B4GALT5: variants seen among roughly 807,000 people sequenced by gnomAD.
B4GALT5 encodes beta-1,4-galactosyltransferase 5, also known as UDP-Gal:beta-GlcNAc beta-1,4-galactosyltransferase 5.
Under a neutral mutation model 45.0 loss-of-function variants are expected in B4GALT5, and 11 were observed. The ratio of observed to expected loss-of-function variants is 0.24; its 90% CI spans 0.15 to 0.40. The LOEUF is 0.40. B4GALT5 is among the 10% of genes least tolerant of loss of function. B4GALT5 has a pLI of 1.00. For missense variants in B4GALT5, 337 were observed against 500.2 expected, an observed-to-expected ratio of 0.67 and a Z score of 3.11; for synonymous variants, 185 against 182.9, an observed-to-expected ratio of 1.01 and a Z score of -0.09.
chr20:49,695,516 A>T (rs2085835951), intron 1 of B4GALT5, among the ~76,000 whole-genome samples: 1 of 151,500 alleles, frequency 6.6e-6, no homozygotes, highest in Non-Finnish European at 1.5e-5. Flanking sequence ...GGTTCAAGCG[A>T]TTCTCCTGCC....
At chr20:49,674,081 C>CAAAAAAAAAAAA (rs34718276) in intron 1 of B4GALT5, among the ~76,000 whole-genome samples, 2 of 94,528 alleles carry the variant, frequency 2.1e-5, no homozygotes, top group Admixed American at 1.2e-4. Context: ...ATTAAAAATA[C>CAAAAAAAAAAAA]AAAAAAAAAA....
intron 1 of B4GALT5, among the ~76,000 whole-genome samples, chr20:49,705,125 C>T (rs2085878791): frequency 6.6e-6 from 1 of 152,150 alleles, no homozygotes; most frequent in Non-Finnish European, 1.5e-5. Flanking sequence ...ATAAAAGGCA[C>T]CATATAAAAA....
At chr20:49,690,739 AAAG>A (rs1438410996) in intron 1 of B4GALT5, among the ~76,000 whole-genome samples, 2 of 152,218 alleles carry the variant, frequency 1.3e-5, no homozygotes, top group Admixed American at 6.5e-5. Context: ...GTTTAGTCTC[AAAG>A]AAGGCATACC....
At chr20:49,685,804 C>T (rs1258859338) in intron 1 of B4GALT5, among the ~76,000 whole-genome samples, 2 of 151,718 alleles carry the variant, frequency 1.3e-5, no homozygotes, top group African/African-American at 2.4e-5. Context: ...AAAAACCTCA[C>T]GTTATTAGAC....
intron 1 of B4GALT5, among the ~76,000 whole-genome samples, chr20:49,699,775 CA>C (rs1330914656): frequency 6.6e-6 from 1 of 152,176 alleles, no homozygotes; most frequent in East Asian, 1.9e-4. Flanking sequence ...TTGTGGACCT[CA>C]ACATCCTTAC....
intron 1 of B4GALT5, among the ~76,000 whole-genome samples, chr20:49,712,700 A>T (rs1213413964): frequency 6.6e-6 from 1 of 151,814 alleles, no homozygotes; most frequent in Non-Finnish European, 1.5e-5. Flanking sequence ...CCTCAAGGCT[A>T]GGAGAGGGCA....
At chr20:49,669,565 G>A (rs1265964694) in intron 1 of B4GALT5, among the ~76,000 whole-genome samples, 1 of 151,960 alleles carries the variant, frequency 6.6e-6, no homozygotes, top group Non-Finnish European at 1.5e-5. Context: ...GCATGGTGGT[G>A]CATGCCTGTA....
At chr20:49,695,596 A>G (rs1473097805) in intron 1 of B4GALT5, among the ~76,000 whole-genome samples, 1 of 152,054 alleles carries the variant, frequency 6.6e-6, no homozygotes, top group Non-Finnish European at 1.5e-5. Flanking sequence ...TTTTTAGTAG[A>G]GATGGGGTTT....
Position 49,637,408 on chromosome 20 carries a change from C to G in B4GALT5, c.952G>C (p.Glu318Gln), listed in dbSNP as rs776968001. The change falls in exon 8 of 9, where the codon GAG (glutamate) becomes CAG (glutamine). Residue 318 changes from glutamate (E) to glutamine (Q), a missense_variant. By Grantham distance (29) the Glu-to-Gln change is conservative. This residue lies in a region of B4GALT5 where 163 missense variants were observed against 292.8 expected (regional missense o/e 0.56). Transcript: ENST00000371711. ...GACTTGTACTTTCCTGTGTCACCCT[C>G]TGGCCGGCTCACAGAATAGCCTGCA... ...QNAGYSVSRP[E>Q]GDTGKYKSIP... 39 of 1,614,026 alleles carry G rather than the reference C, an allele frequency of 2.4e-5. No individual in the cohort carries two copies. Among genetic ancestry groups the G allele is most frequent in the Non-Finnish European group, 3.3e-5 (39 of 1,180,028 alleles).
intron 1 of B4GALT5, among the ~76,000 whole-genome samples, chr20:49,693,651 T>C (rs1350510027): frequency 6.6e-6 from 1 of 152,238 alleles, no homozygotes; most frequent in Non-Finnish European, 1.5e-5. Flanking sequence ...CATGGTTACA[T>C]ATCATCAAGA....
chr20:49,676,034 C>G (rs1021547251), intron 1 of B4GALT5, among the ~76,000 whole-genome samples: 3 of 151,474 alleles, frequency 2.0e-5, no homozygotes, highest in African/African-American at 4.9e-5. Flanking sequence ...GCATCCTCCC[C>G]CAACCCAACC....
At chr20:49,691,603 A>T (rs2085812504) in intron 1 of B4GALT5, among the ~76,000 whole-genome samples, 1 of 152,164 alleles carries the variant, frequency 6.6e-6, no homozygotes, top group Admixed American at 6.5e-5. Flanking sequence ...TGAAAACCTG[A>T]CAGTCACTTT....
Position 49,656,476 on chromosome 20 carries a change from C to T in B4GALT5, c.250+92G>A, listed in dbSNP as rs76242839. The T allele has an allele frequency of 4.8e-5, 72 of 1,505,528 alleles. No homozygotes were observed. In the African/African-American group the frequency reaches 6.8e-4, roughly 14 times the overall value. The allele number at this position is 1,505,528 out of a possible 1,614,324, so 93.3% of individuals were successfully genotyped here. ...TCAGCCAAATCCCTCTTTTACAATGCGCTTTTCCCATTGAAAATAATTATT... is the reference window on the plus strand; with the variant it reads ...TCAGCCAAATCCCTCTTTTACAATGTGCTTTTCCCATTGAAAATAATTATT... On this transcript the variant is annotated intron_variant, in intron 2 of 8. Transcript: ENST00000371711.
At chr20:49,680,801 G>A (rs1034344611) in intron 1 of B4GALT5, among the ~76,000 whole-genome samples, 4 of 150,300 alleles carry the variant, frequency 2.7e-5, no homozygotes, top group Admixed American at 6.6e-5. Context: ...TTTTTTTTCC[G>A]TAAAGTGAAA....
intron 1 of B4GALT5, among the ~76,000 whole-genome samples, chr20:49,664,270 G>A (rs769841925): frequency 1.3e-5 from 2 of 152,074 alleles, no homozygotes; most frequent in Non-Finnish European, 2.9e-5. Flanking sequence ...CCAGGTTGGA[G>A]TGCAGTGGCA....
At chr20:49,698,470 A>G (rs1455508711) in intron 1 of B4GALT5, among the ~76,000 whole-genome samples, 2 of 152,230 alleles carry the variant, frequency 1.3e-5, no homozygotes, top group Non-Finnish European at 2.9e-5. Context: ...AATAAATCCC[A>G]ATCTTCTAAT....
At chr20:49,712,092 T>G (rs1033931850) in intron 1 of B4GALT5, among the ~76,000 whole-genome samples, 2 of 152,254 alleles carry the variant, frequency 1.3e-5, no homozygotes, top group African/African-American at 4.8e-5. Context: ...CTCATAGTGA[T>G]GCCAAGTCAG....
chr20:49,657,906 A>T (rs1346866004), intron 1 of B4GALT5, among the ~76,000 whole-genome samples: 17 of 152,208 alleles, frequency 1.1e-4, no homozygotes, highest in Non-Finnish European at 1.0e-4. Context: ...TTATACTGGG[A>T]ATGACAGAGG....
Position 49,660,031 on chromosome 20 carries a change from T to G in B4GALT5, c.116-3329A>C, listed in dbSNP as rs935587984. Among the ~76,000 whole-genome samples the G allele has an allele frequency of 2.5e-4, 38 of 152,106 alleles. 1 individual carries two copies. The highest frequency in any genetic ancestry group is 1.2e-3 in the Admixed American group (19 of 15,270). ...TTTGCCCACTGGTTCTCTCTCAACCTTCCCCAGACACCCTCTCCCACTCAG... is the reference window on the plus strand; with the variant it reads ...TTTGCCCACTGGTTCTCTCTCAACCGTCCCCAGACACCCTCTCCCACTCAG... On this transcript the variant is annotated intron_variant, in intron 1 of 8. Transcript: ENST00000371711.
Sources: gnomAD v4.1 joint callset for allele counts (sites outside exome capture counted in the v4.1 genomes callset) on GRCh38, gnomAD v4.1.1 for gene constraint, gnomAD v4.1.1 regional missense constraint, MANE v1.5 for transcripts, NCBI Gene and HGNC (gene_info 2026-07-23, HGNC 2026-07-21) for gene names.